The following RAB3GAP2 variants were observed in gnomAD, a reference collection of about 807,000 sequenced individuals.
RAB3GAP2 encodes the protein rab3 GTPase-activating protein non-catalytic subunit.
RAB3GAP2 carries 87 observed loss-of-function variants against 185.3 expected under a neutral mutation model. The ratio of observed to expected loss-of-function variants is 0.47; its 90% confidence interval spans 0.39 to 0.56. RAB3GAP2 has a LOEUF of 0.56. RAB3GAP2 is among the 20% of genes least tolerant of loss of function. The pLI is 0.00. For missense variants in RAB3GAP2, 1,492 were observed against 1,638.2 expected, an observed-to-expected ratio of 0.91 and a Z score of 1.54; for synonymous variants, 554 against 576.1, an observed-to-expected ratio of 0.96 and a Z score of 0.55.
chr1:220,222,042 G>C (rs1221815740), intron 2 of RAB3GAP2, among the ~76,000 whole-genome samples: 1 of 152,172 alleles, frequency 6.6e-6, no homozygotes, highest in African/African-American at 2.4e-5. Flanking sequence ...GTAAGATCCA[G>C]TGTAATCTAA....
intron 7 of RAB3GAP2, chr1:220,208,030 A>C (rs1196653474): frequency 6.6e-6 from 1 of 152,236 alleles, no homozygotes; most frequent in Non-Finnish European, 1.5e-5. Flanking sequence ...TTGACGTGTC[A>C]GATCCAGAGC....
intron 17 of RAB3GAP2, among the ~76,000 whole-genome samples, chr1:220,187,946 T>C (rs1270058243): frequency 2.0e-5 from 3 of 152,104 alleles, no homozygotes; most frequent in South Asian, 2.1e-4. Context: ...TTGTGACTGG[T>C]ACCTGAAGTA....
rs556184452 is a variant in RAB3GAP2 at position 220,153,313 on chromosome 1, C to T, written c.3739G>A (p.Gly1247Arg). The T allele has an allele frequency of 1.2e-6, 2 of 1,614,164 alleles. No individual in the cohort carries two copies. The highest frequency in any genetic ancestry group is 2.2e-5 in the East Asian group (1 of 44,878). ...AGAGCTGGCCAATCTTGGTCTTTCCCAAAAGGAGTGGGTGTGGCCTCTTCT... is the reference window on the plus strand; with the variant it reads ...AGAGCTGGCCAATCTTGGTCTTTCCTAAAAGGAGTGGGTGTGGCCTCTTCT... ...PTEEATPTPF[G>R]KDQDWPALAV... is the part of the protein sequence containing the mutation. The change falls in exon 33 of 35, where the codon GGG becomes AGG. Residue 1247 changes from glycine to arginine, a missense_variant. Gly to Arg is a moderately radical substitution (Grantham distance 125). Coordinates refer to ENST00000358951, the MANE Select transcript of RAB3GAP2 (RefSeq NM_012414.4).
At chr1:220,215,106 A>AC (rs1430191688) in intron 2 of RAB3GAP2, among the ~76,000 whole-genome samples, 1 of 151,862 alleles carries the variant, frequency 6.6e-6, no homozygotes, top group East Asian at 1.9e-4. Context: ...TTATTTAACC[A>AC]GTTCCCGATA....
At chr1:220,256,213 A>G (rs1660029450) in intron 1 of RAB3GAP2, among the ~76,000 whole-genome samples, 1 of 152,228 alleles carries the variant, frequency 6.6e-6, no homozygotes, top group Non-Finnish European at 1.5e-5. Flanking sequence ...TGCTGAAGAA[A>G]TTTGTTACCA....
intron 27 of RAB3GAP2, 92 bp from the exon 28 acceptor site, chr1:220,162,360 A>G (rs1571876295): frequency 4.8e-6 from 4 of 840,160 alleles, no homozygotes; most frequent in East Asian, 2.6e-5. Flanking sequence ...ATTAAACTAT[A>G]TAGACTATTT....
Position 220,167,414 on chromosome 1 carries a change from A to G in RAB3GAP2, c.2981-15T>C. The G allele has an allele frequency of 6.2e-7, 1 of 1,613,766 alleles. No individual in the cohort carries two copies. Among genetic ancestry groups the G allele is most frequent in the Middle Eastern group, 1.6e-4 (1 of 6,062 alleles). On this transcript the variant is annotated splice_polypyrimidine_tract_variant and intron_variant, in intron 25 of 34. Transcript: ENST00000358951. ...ATGCAGTAAGTCTGAAAGTCAGAAG[A>G]AAGCAGTGATGTTATTTTTTTCCTT...
At chr1:220,168,230 T>C (rs1012681853) in intron 24 of RAB3GAP2, among the ~76,000 whole-genome samples, 1 of 151,944 alleles carries the variant, frequency 6.6e-6, no homozygotes, top group Non-Finnish European at 1.5e-5. Context: ...GCAACTGAGA[T>C]TACAGGCGCC....
Position 220,195,117 on chromosome 1 carries a change from T to C in RAB3GAP2, c.1091A>G (p.Gln364Arg). The C allele has an allele frequency of 1.2e-6, 2 of 1,614,168 alleles. No homozygotes were observed. Among genetic ancestry groups the C allele is most frequent in the Non-Finnish European group, 1.7e-6 (2 of 1,180,008 alleles). The stretch of plus-strand genomic sequence containing the variant: ...GGTAGCTGGCTCAACCTTCGGCTTT[T>C]GCTTTTGGACAGCTTCTTCTTCGTG... ...SKHEEEAVQK[Q>R]KPKVEPATPL... The change falls in exon 12 of 35, where the codon CAA becomes CGA. Residue 364 changes from glutamine (Q) to arginine (R), a missense_variant. By Grantham distance (43) the Gln-to-Arg change is conservative (BLOSUM62 1). Transcript: ENST00000358951.
In RAB3GAP2 at chr1:220,189,752, T is replaced by A. The variant is rs1032079958; in HGVS notation, c.1730A>T (p.Glu577Val). The A allele has an allele frequency of 2.0e-5, 30 of 1,527,964 alleles. No individual in the cohort carries two copies. Among genetic ancestry groups the A allele is most frequent in the Admixed American group, 3.7e-5 (2 of 54,726 alleles). 94.7% of individuals were successfully genotyped at this position (1,527,964 alleles called of 1,614,324 possible). The part of the protein sequence containing the change: ...KSPNLDLVET[E>V]IKELILDIKY... ...AATATCAAGAATTAATTCCTTTATT[T>A]CTGTTTCAACCAAATCTATAAAGAA... is the stretch of plus-strand genomic sequence containing the variant. Residue 577 changes from glutamate to valine, a missense_variant, in exon 17 of 35, where the codon GAA becomes GTA. Physicochemically the swap from Glu to Val is moderately radical, Grantham distance 121. This residue lies in a region of RAB3GAP2 where 681 missense variants were observed against 689.1 expected (regional missense o/e 0.99). Coordinates refer to ENST00000358951, the MANE Select transcript of RAB3GAP2 (RefSeq NM_012414.4).
In RAB3GAP2 at chr1:220,149,988, T is replaced by C. The variant is rs1457613811; in HGVS notation, c.*1263A>G. ...TACTATGAATAATAATTGTGATCCA[T>C]GACAGATACCCATAATTACACTGTA... On this transcript the variant is annotated 3_prime_UTR_variant, in exon 35 of 35. Transcript: ENST00000358951. 6.6e-6 allele frequency: 1 copy of C among 152,190 alleles called. No individual in the cohort carries two copies. Among genetic ancestry groups the C allele is most frequent in the African/African-American group, 2.4e-5 (1 of 41,446 alleles). 9.4% of individuals were successfully genotyped at this position (152,190 alleles called of 1,614,324 possible). A position where few individuals can be genotyped will look rare whatever the true frequency, so the allele number is the denominator to read the frequency against.
At chr1:220,266,864 A>G in intron 1 of RAB3GAP2, 1 of 1,597,214 alleles carries the variant, frequency 6.3e-7, no homozygotes, top group Non-Finnish European at 8.6e-7. Flanking sequence ...CTCTGTTACA[A>G]AGTCAGGGAA....
At position 220,149,733 on chromosome 1, in the gene RAB3GAP2, C is replaced by T. The variant is rs1657710046; in HGVS notation, c.*1518G>A. 1 of 152,188 alleles carries T rather than the reference C, an allele frequency of 6.6e-6. No homozygotes were observed. Among genetic ancestry groups the T allele is most frequent in the African/African-American group, 2.4e-5 (1 of 41,438 alleles). 9.4% of individuals were successfully genotyped at this position (152,188 alleles called of 1,614,324 possible). A position where few individuals can be genotyped will look rare whatever the true frequency, so the allele number is the denominator to read the frequency against. On this transcript the variant is annotated 3_prime_UTR_variant, in exon 35 of 35. Coordinates refer to ENST00000358951, the MANE Select transcript of RAB3GAP2 (RefSeq NM_012414.4). ...CTCACAGGCCCCCATCCCAAATACT[C>T]AAGACATCTTAACCATTTATCTTGT...
chr1:220,163,956 G>A (rs562303826), intron 27 of RAB3GAP2, among the ~76,000 whole-genome samples: 1 of 151,830 alleles, frequency 6.6e-6, no homozygotes, highest in East Asian at 1.9e-4. Flanking sequence ...CTCTTACCCA[G>A]CCTAACACCA....
At chr1:220,159,775 G>A (rs777500147) in intron 28 of RAB3GAP2, among the ~76,000 whole-genome samples, 1 of 151,864 alleles carries the variant, frequency 6.6e-6, no homozygotes, top group Non-Finnish European at 1.5e-5. Context: ...CCTAGCACTC[G>A]GGAGGCCAAG....
At chr1:220,159,355 C>A (rs1389654773) in intron 29 of RAB3GAP2, 31 bp downstream of exon 29, 1 of 1,577,654 alleles carries the variant, frequency 6.3e-7, no homozygotes, top group Non-Finnish European at 8.7e-7. Context: ...GAATTAACAA[C>A]CATAATTCTA....
chr1:220,248,281 T>C (rs989943204), intron 1 of RAB3GAP2, among the ~76,000 whole-genome samples: 2 of 152,188 alleles, frequency 1.3e-5, no homozygotes, highest in Non-Finnish European at 2.9e-5. Flanking sequence ...TATGAGGACC[T>C]AATGTACAGC....
intron 12 of RAB3GAP2, 96 bp from the exon 13 acceptor site, chr1:220,193,475 G>T: frequency 8.4e-7 from 1 of 1,189,420 alleles, no homozygotes; most frequent in Non-Finnish European, 1.2e-6. Flanking sequence ...GGCTGAATCT[G>T]TTTTTATATA....
intron 1 of RAB3GAP2, among the ~76,000 whole-genome samples, chr1:220,237,972 T>C (rs544396373): frequency 6.6e-6 from 1 of 152,294 alleles, no homozygotes; most frequent in South Asian, 2.1e-4. Context: ...GCATAATCAA[T>C]GCAAAATTAT....
Sources: gnomAD v4.1 joint callset for allele counts (sites outside exome capture counted in the v4.1 genomes callset) on GRCh38, gnomAD v4.1.1 for gene constraint, gnomAD v4.1.1 regional missense constraint, MANE v1.5 for transcripts, NCBI Gene and HGNC (gene_info 2026-07-23, HGNC 2026-07-21) for gene names.